Variants in DOCK9 observed in about 807,000 individuals in gnomAD.
The protein encoded by DOCK9 is dedicator of cytokinesis protein 9.
A neutral mutation model predicts 263.3 loss-of-function variants in DOCK9; 89 were observed. The ratio of observed to expected loss-of-function variants is 0.34; its 90% CI spans 0.28 to 0.40. DOCK9 has a LOEUF of 0.40. DOCK9 is among the 10% of genes least tolerant of loss of function. The pLI is 1.00. For missense variants in DOCK9, 2,140 were observed against 2,603.4 expected (o/e 0.82, Z 3.87); for synonymous variants, 976 against 973.1 (o/e 1.00, Z -0.06).
chr13:98,898,986 T>C (rs1174736937), intron 13 of DOCK9, among the ~76,000 whole-genome samples: 3 of 152,138 alleles, frequency 2.0e-5, no homozygotes, highest in Non-Finnish European at 4.4e-5. Flanking sequence ...ACTGTGATAG[T>C]GCTTTGTCAT....
At chr13:98,878,556 C>T (rs1329768202) in intron 27 of DOCK9, among the ~76,000 whole-genome samples, 1 of 152,192 alleles carries the variant, frequency 6.6e-6, no homozygotes, top group African/African-American at 2.4e-5. Flanking sequence ...TGTGCATGTG[C>T]ACGCACACTT....
chr13:98,894,425 G>A (rs1159073398), intron 15 of DOCK9, among the ~76,000 whole-genome samples: 1 of 152,012 alleles, frequency 6.6e-6, no homozygotes, highest in Non-Finnish European at 1.5e-5. Context: ...TTTCCATCTA[G>A]ATAGCTACTT....
At chr13:98,885,992 A>T (rs1366291144) in intron 19 of DOCK9, among the ~76,000 whole-genome samples, 161 bp from the exon 20 acceptor site, 1 of 152,242 alleles carries the variant, frequency 6.6e-6, no homozygotes, top group Non-Finnish European at 1.5e-5. Flanking sequence ...AATTGTGCCA[A>T]GCAAGAAATG....
intron 1 of DOCK9, chr13:99,015,498 T>C (rs568965513): frequency 6.3e-7 from 1 of 1,598,120 alleles, no homozygotes; most frequent in Non-Finnish European, 8.5e-7. Flanking sequence ...AATTGTATGC[T>C]GTATATTCAA....
At chr13:99,082,772 T>C (rs1294405041) in intron 1 of DOCK9, among the ~76,000 whole-genome samples, 1 of 151,960 alleles carries the variant, frequency 6.6e-6, no homozygotes, top group East Asian at 1.9e-4. Context: ...CCAACAACAA[T>C]ACAAGGAAAG....
At chr13:98,966,102 G>A (rs543039971) in intron 1 of DOCK9, among the ~76,000 whole-genome samples, 1 of 152,382 alleles carries the variant, frequency 6.6e-6, no homozygotes, top group Non-Finnish European at 1.5e-5. Context: ...GTCGTCAGCT[G>A]TGCTCGCTGG....
chr13:98,906,077 G>A (rs1191973565), intron 9 of DOCK9, among the ~76,000 whole-genome samples: 3 of 152,150 alleles, frequency 2.0e-5, no homozygotes, highest in Non-Finnish European at 4.4e-5. Context: ...CTGCCAAAAA[G>A]ATGATAATAT....
At chr13:98,853,594 AAG>A in intron 34 of DOCK9, 72 bp from the exon 35 acceptor site, 1 of 1,100,290 alleles carries the variant, frequency 9.1e-7, no homozygotes, top group Non-Finnish European at 1.4e-6. Context: ...TCTCCCTTGG[AAG>A]AGAAAGACTC....
chr13:98,935,826 T>C (rs1380539456), intron 2 of DOCK9, among the ~76,000 whole-genome samples: 1 of 151,972 alleles, frequency 6.6e-6, no homozygotes, highest in East Asian at 1.9e-4. Context: ...GCTGGACCCA[T>C]GGGGGAGGGG....
chr13:99,012,280 A>C (rs1884627051), intron 1 of DOCK9, among the ~76,000 whole-genome samples: 1 of 152,242 alleles, frequency 6.6e-6, no homozygotes, highest in African/African-American at 2.4e-5. Flanking sequence ...AGCTTAGATC[A>C]GAAACAGAAA....
chr13:98,957,980 G>T (rs2058245963), intron 1 of DOCK9, among the ~76,000 whole-genome samples: 3 of 152,184 alleles, frequency 2.0e-5, no homozygotes, highest in African/African-American at 7.2e-5. Context: ...TCCTCAGCTG[G>T]GTGCAGCCCC....
intron 2 of DOCK9, among the ~76,000 whole-genome samples, chr13:98,935,867 G>A (rs530129055): frequency 1.3e-5 from 2 of 152,172 alleles, no homozygotes; most frequent in Admixed American, 1.3e-4. Context: ...CAATGGGGCC[G>A]TCAATGTTTG....
At chr13:98,984,062 T>C (rs1046993382) in intron 1 of DOCK9, among the ~76,000 whole-genome samples, 1 of 152,216 alleles carries the variant, frequency 6.6e-6, no homozygotes, top group African/African-American at 2.4e-5. Flanking sequence ...AAATTACATA[T>C]GAAATTGTAT....
At chr13:98,914,782 G>A (rs920305835) in intron 8 of DOCK9, among the ~76,000 whole-genome samples, 5 of 152,144 alleles carry the variant, frequency 3.3e-5, no homozygotes, top group African/African-American at 1.2e-4. Context: ...TACTTCTAAG[G>A]GGAAGCCAGG....
chr13:98,973,751 C>A (rs2059959727), intron 1 of DOCK9, among the ~76,000 whole-genome samples: 1 of 152,130 alleles, frequency 6.6e-6, no homozygotes, highest in Admixed American at 6.5e-5. Flanking sequence ...GTGCATGCCA[C>A]CTCGTCTGGC....
chr13:98,977,781 T>TA lies in DOCK9; in HGVS notation c.126+2dup, dbSNP rs1567158660. On this transcript the variant is annotated splice_region_variant and intron_variant, in intron 1 of 52. Coordinates refer to ENST00000682017, the MANE Select transcript of DOCK9 (RefSeq NM_001366683.2). Reference sequence around the variant, plus strand: ...AGCAACACTTTGTACGAGACCCTCTTACCGGCACAGGGCCCGGGCTCTCTG... The same window carrying TA: ...AGCAACACTTTGTACGAGACCCTCTTAACCGGCACAGGGCCCGGGCTCTCTG... 6.2e-7 allele frequency: 1 copy of TA among 1,611,906 alleles called. No homozygotes were observed. Among genetic ancestry groups the TA allele is most frequent in the African/African-American group, 1.3e-5 (1 of 75,032 alleles).
intron 1 of DOCK9, among the ~76,000 whole-genome samples, chr13:98,966,935 T>C (rs2059261462): frequency 6.6e-6 from 1 of 152,214 alleles, no homozygotes; most frequent in Non-Finnish European, 1.5e-5. Flanking sequence ...ATGTTAGAAA[T>C]ACACATTCAC....
At chr13:99,025,927 C>T (rs998515251) in intron 1 of DOCK9, among the ~76,000 whole-genome samples, 1 of 152,136 alleles carries the variant, frequency 6.6e-6, no homozygotes, top group African/African-American at 2.4e-5. Context: ...GTGAAAGAAG[C>T]CCCGCATAAG....
chr13:98,993,406 G>C (rs1880273028), intron 1 of DOCK9, among the ~76,000 whole-genome samples: 1 of 152,186 alleles, frequency 6.6e-6, no homozygotes, highest in Non-Finnish European at 1.5e-5. Flanking sequence ...GCCTTTGAGA[G>C]GTAGGAAATT....
Sources: gnomAD v4.1 joint callset for allele counts (sites outside exome capture counted in the v4.1 genomes callset) on GRCh38, gnomAD v4.1.1 for gene constraint, MANE v1.5 for transcripts, NCBI Gene and HGNC (gene_info 2026-07-23, HGNC 2026-07-21) for gene names.